The following DIS3 variants were observed in gnomAD, a reference collection of about 807,000 sequenced individuals.
DIS3 encodes DIS3 exosome endoribonuclease and 3'-5' exoribonuclease, also known as exosome complex exonuclease RRP44.
DIS3 carries 103 observed loss-of-function variants against 113.0 expected under a neutral mutation model. The observed-to-expected ratio is 0.91, with a 90% CI of 0.78 to 1.07. DIS3 has a LOEUF of 1.07. DIS3 is among the 50% of genes least tolerant of loss of function. The pLI, the probability that DIS3 is intolerant of heterozygous loss-of-function variation, is 0.00. For synonymous variants in DIS3, 402 were observed against 394.3 expected (o/e 1.02, Z -0.23); for missense variants, 1,121 against 1,167.1 (o/e 0.96, Z 0.58).
chr13:72,768,791 T>A lies in DIS3; in HGVS notation c.1877A>T (p.Glu626Val). The change falls in exon 14 of 21, where the codon GAA (glutamate) becomes GTA (valine). Residue 626 changes from glutamate (E) to valine (V), a missense_variant. Physicochemically the swap from Glu to Val is moderately radical, Grantham distance 121. Transcript: ENST00000377767. ...TATGAAAAACAAAATATACCCTTTT[T>A]CAATCCTTCTTTTCTTCAGAATTTT... ...LAKILKKRRI[E>V]KGALTLSSPE... The A allele has an allele frequency of 6.3e-7, 1 of 1,598,114 alleles. No homozygotes were observed. The highest frequency in any genetic ancestry group is 8.5e-7 in the Non-Finnish European group (1 of 1,171,896).
At position 72,754,826 on chromosome 13, in the gene DIS3, C is replaced by CA. The variant is rs1216842365; in HGVS notation, c.*4968_*4969insT. 9 of 213,638 alleles carry CA rather than the reference C, an allele frequency of 4.2e-5. No homozygotes were observed. The highest frequency in any genetic ancestry group is 7.5e-5 in the Non-Finnish European group (8 of 107,334). 13.2% of individuals were successfully genotyped at this position (213,638 alleles called of 1,614,324 possible). ...CACCTCCCAGACTCAAGCAGTCTTA[C>CA]CACCTCAGCCTCCTGAGTAGCTAGG... On this transcript the variant is annotated 3_prime_UTR_variant, in exon 21 of 21. Transcript: ENST00000377767.
rs1566232304 is a variant in DIS3, at chr13:72,755,161, C to G, written c.*4634G>C. 2 of 1,613,764 alleles carry G rather than the reference C, an allele frequency of 1.2e-6. No homozygotes were observed. Among genetic ancestry groups the G allele is most frequent in the Non-Finnish European group, 1.7e-6 (2 of 1,179,820 alleles). ...TCTTCTTTTTCACAGCAAGACCACA[C>G]AACACAGAGGTGTTGGATGAAAACA... is the stretch of plus-strand genomic sequence containing the variant. On this transcript the variant is annotated 3_prime_UTR_variant, in exon 21 of 21. Transcript: ENST00000377767.
At chr13:72,774,882 T>C (rs1390865101) in intron 6 of DIS3, among the ~76,000 whole-genome samples, 1 of 152,166 alleles carries the variant, frequency 6.6e-6, no homozygotes, top group Non-Finnish European at 1.5e-5. Context: ...AAAACATTAC[T>C]TAAAGCATTT....
rs532264945 is a variant in DIS3 at position 72,756,163 on chromosome 13, T to C, written c.*3632A>G. The stretch of plus-strand genomic sequence containing the variant: ...TATAAATCAACTTTTAAAAACTGTC[T>C]CATTCAAAAGGGAATAAAGACCTGT... On this transcript the variant is annotated 3_prime_UTR_variant, in exon 21 of 21. Coordinates refer to ENST00000377767, the MANE Select transcript of DIS3 (RefSeq NM_014953.5). 1.0e-4 allele frequency: 39 copies of C among 391,144 alleles called. 1 individual carries two copies. The South Asian group carries it at 5.6e-3, about 56-fold the overall frequency. 24.2% of individuals were successfully genotyped at this position (391,144 alleles called of 1,614,324 possible). A position where few individuals can be genotyped will look rare whatever the true frequency, so the allele number is the denominator to read the frequency against.
chr13:72,760,518 T>C lies in DIS3; in HGVS notation c.2793+11A>G, dbSNP rs776501208. On this transcript the variant is annotated intron_variant, in intron 20 of 20. Coordinates refer to ENST00000377767, the MANE Select transcript of DIS3 (RefSeq NM_014953.5). ...TCCATCACAACAAGGAAATTTTAAG[T>C]TTGGCCTTACCTGTGGTTCTACCAG... The C allele has an allele frequency of 6.2e-7, 1 of 1,613,278 alleles. No homozygotes were observed. The highest frequency in any genetic ancestry group is 8.5e-7 in the Non-Finnish European group (1 of 1,179,492).
chr13:72,763,624 C>T lies in DIS3; in HGVS notation c.1971-17G>A. 5 of 1,598,838 alleles carry T rather than the reference C, an allele frequency of 3.1e-6. No individual in the cohort carries two copies. The highest frequency in any genetic ancestry group is 4.3e-6 in the Non-Finnish European group (5 of 1,174,534). ...TTTGTTTCCCTGCCAATGGAAAAAG[C>T]ATTAAACAAACAAAAAAGAGAATCT... On this transcript the variant is annotated splice_polypyrimidine_tract_variant and intron_variant, in intron 15 of 20. Transcript: ENST00000377767.
intron 4 of DIS3, 80 bp downstream of exon 4, chr13:72,777,340 A>G: frequency 2.9e-6 from 4 of 1,395,228 alleles, no homozygotes; most frequent in Non-Finnish European, 4.0e-6. Flanking sequence ...TCCAATTTTT[A>G]AATTTGGTAA....
At chr13:72,779,776 G>A (rs985461032) in intron 2 of DIS3, among the ~76,000 whole-genome samples, 2 of 151,548 alleles carry the variant, frequency 1.3e-5, no homozygotes, top group Non-Finnish European at 2.9e-5. Flanking sequence ...GTGGTGGGGG[G>A]GGTAAGGGGT....
At position 72,758,272 on chromosome 13, in the gene DIS3, A is replaced by T. The variant is rs1232420777; in HGVS notation, c.*1523T>A. On this transcript the variant is annotated 3_prime_UTR_variant, in exon 21 of 21. Transcript: ENST00000377767. ...CATATAGGATACCATAGGGTATACC[A>T]TCTAGGTTTGTGTAACTACATCATG... 3 of 182,082 alleles carry T rather than the reference A, an allele frequency of 1.6e-5. No homozygotes were observed. The highest frequency in any genetic ancestry group is 2.4e-5 in the African/African-American group (1 of 42,504). The allele number at this position is 182,082 out of a possible 1,614,324, so 11.3% of individuals were successfully genotyped here.
At chr13:72,759,925 A>C (rs1566237537) in intron 20 of DIS3, 47 bp from the exon 21 acceptor site, 1 of 1,462,696 alleles carries the variant, frequency 6.8e-7, no homozygotes, top group East Asian at 2.3e-5. Context: ...AAAGGATAGA[A>C]TACATCTCAA....
chr13:72,781,240 A>C (rs2034201771), intron 1 of DIS3: 6 of 1,540,896 alleles, frequency 3.9e-6, no homozygotes, highest in Non-Finnish European at 5.3e-6. Context: ...TAAGGGTATT[A>C]ATAAAGGAAT....
chr13:72,770,200 T>A (rs952085441), intron 13 of DIS3, among the ~76,000 whole-genome samples: 1 of 148,706 alleles, frequency 6.7e-6, no homozygotes, highest in African/African-American at 2.4e-5. Context: ...CAAGTATATA[T>A]TCTTTGTAAG....
rs763850845 is a variant in DIS3 at position 72,766,050 on chromosome 13, G to A, written c.1892C>T (p.Thr631Ile). The A allele has an allele frequency of 3.7e-5, 60 of 1,605,898 alleles. 1 individual carries two copies. In the Admixed American group the frequency reaches 1.0e-3, roughly 27 times the overall value. ...KKRRIEKGAL[T>I]LSSPEVRFHM... is the part of the protein sequence containing the mutation. ...GAATCGAACTTCAGGAGAGGATAGA[G>A]TCAAAGCCCTACATAAAAATTAAAG... is the stretch of plus-strand genomic sequence containing the variant. Residue 631 changes from threonine to isoleucine, a missense_variant, in exon 15 of 21, where the codon ACT becomes ATT. Physicochemically the swap from Thr to Ile is moderately conservative, Grantham distance 89. Transcript: ENST00000377767.
chr13:72,780,973 T>A lies in DIS3; in HGVS notation c.259A>T (p.Asn87Tyr). Reference protein sequence around the residue: ...IDVLEDPAIRNVIVLQTVLQE... With the variant: ...IDVLEDPAIRYVIVLQTVLQE... ...AGAACTGTTTGTAGCACAATTACAT[T>A]CCTGATGGCAGGGTCCTCAAGAACA... is the stretch of plus-strand genomic sequence containing the variant. Residue 87 changes from asparagine to tyrosine, a missense_variant, in exon 2 of 21, where the codon AAT (asparagine) becomes TAT (tyrosine). This residue lies in a region of DIS3 where 254 missense variants were observed against 232.2 expected (regional missense o/e 1.09). Transcript: ENST00000377767. The A allele has an allele frequency of 6.2e-7, 1 of 1,611,584 alleles. No homozygotes were observed. The highest frequency in any genetic ancestry group is 8.5e-7 in the Non-Finnish European group (1 of 1,179,454).
At chr13:72,763,430 T>C (rs1400539556) in intron 16 of DIS3, 21 bp downstream of exon 16, 5 of 1,577,954 alleles carry the variant, frequency 3.2e-6, no homozygotes, top group Admixed American at 2.0e-5. Context: ...ATAGATGATT[T>C]TTCAAACTGT....
At chr13:72,774,292 C>T (rs543847571) in intron 6 of DIS3, among the ~76,000 whole-genome samples, 4 of 152,112 alleles carry the variant, frequency 2.6e-5, no homozygotes, top group East Asian at 3.9e-4. Context: ...AAAGCAAAAA[C>T]AAATAAATAA....
At chr13:72,767,918 G>A (rs1460500442) in intron 14 of DIS3, among the ~76,000 whole-genome samples, 1 of 152,136 alleles carries the variant, frequency 6.6e-6, no homozygotes, top group Non-Finnish European at 1.5e-5. Flanking sequence ...CGTCTTTTAA[G>A]AGTCAAATTT....
At position 72,759,724 on chromosome 13, in the gene DIS3, CT is replaced by C; in HGVS notation, c.*70del. Reference sequence around the variant, plus strand: ...TAACAAACTGTATCACACACTTAGGCTTAGAAGTGTTCTTTCAAGTTTTTTC... The same window carrying C: ...TAACAAACTGTATCACACACTTAGGCTAGAAGTGTTCTTTCAAGTTTTTTC... On this transcript the variant is annotated 3_prime_UTR_variant, in exon 21 of 21. Coordinates refer to ENST00000377767, the MANE Select transcript of DIS3 (RefSeq NM_014953.5). 1 of 1,194,990 alleles carries C rather than the reference CT, an allele frequency of 8.4e-7. No individual in the cohort carries two copies. Among genetic ancestry groups the C allele is most frequent in the Non-Finnish European group, 1.2e-6 (1 of 820,772 alleles). 74.0% of individuals were successfully genotyped at this position (1,194,990 alleles called of 1,614,324 possible). A position where few individuals can be genotyped will look rare whatever the true frequency, so the allele number is the denominator to read the frequency against.
rs199964330 is a variant in DIS3, at chr13:72,761,774, T to C, written c.2383A>G (p.Ile795Val). ...TCTGGATAAGTACAGTCAGCCCCAA[T>C]AGCCACAGCCAAAAGCCGATGAACA... ...VIVHRLLAVA[I>V]GADCTYPELT... Residue 795 changes from isoleucine to valine, a missense_variant, in exon 18 of 21, where the codon ATT becomes GTT. Physicochemically the swap from Ile to Val is conservative, Grantham distance 29. Transcript: ENST00000377767. The C allele has an allele frequency of 1.8e-5, 29 of 1,613,350 alleles. No homozygotes were observed. The East Asian group carries it at 2.0e-4, about 11-fold the overall frequency.
Sources: allele counts gnomAD v4.1 joint callset (sites outside exome capture counted in the v4.1 genomes callset), GRCh38; gene constraint gnomAD v4.1.1; regional missense constraint gnomAD v4.1.1; transcripts MANE v1.5; gene names NCBI Gene and HGNC (gene_info 2026-07-23, HGNC 2026-07-21).